The following COL5A1 variants were observed in gnomAD, a reference collection of about 807,000 sequenced individuals.
COL5A1 encodes collagen type V alpha 1 chain.
A neutral mutation model predicts 263.7 loss-of-function variants in COL5A1; 16 were observed. That is an observed-to-expected ratio of 0.06 (90% CI 0.04 to 0.09). The LOEUF is 0.09. Ranked by LOEUF, COL5A1 falls within the 10% of genes least tolerant of loss-of-function variation. COL5A1 has a pLI of 1.00. For synonymous variants in COL5A1, 1,012 were observed against 1,004.5 expected (o/e 1.01, Z -0.14); for missense variants, 2,036 against 2,540.5 (o/e 0.80, Z 4.27).
At chr9:134,654,599 G>T (rs1424001672) in intron 1 of COL5A1, among the ~76,000 whole-genome samples, 1 of 116,986 alleles carries the variant, frequency 8.5e-6, no homozygotes, top group Non-Finnish European at 1.8e-5. Context: ...GGCTGGGAGT[G>T]TGTAGGGCTG....
At chr9:134,802,588 A>G (rs1838152999) in intron 38 of COL5A1, among the ~76,000 whole-genome samples, 1 of 152,186 alleles carries the variant, frequency 6.6e-6, no homozygotes, top group Non-Finnish European at 1.5e-5. Flanking sequence ...CCTGTGGCTG[A>G]ATCAGCCTCC....
intron 4 of COL5A1, among the ~76,000 whole-genome samples, chr9:134,723,308 G>A (rs1834533436): frequency 2.4e-5 from 3 of 125,328 alleles, no homozygotes; most frequent in Admixed American, 2.1e-4. Context: ...CATGATGTGG[G>A]GTGATGCGGG....
At chr9:134,712,136 C>T (rs1208262642) in intron 4 of COL5A1, among the ~76,000 whole-genome samples, 1 of 104,938 alleles carries the variant, frequency 9.5e-6, no homozygotes, top group African/African-American at 3.7e-5. Context: ...TCCTGTTCCC[C>T]CTCTTTCCTG....
intron 1 of COL5A1, among the ~76,000 whole-genome samples, chr9:134,679,357 T>C (rs1303351644): frequency 1.9e-5 from 2 of 107,930 alleles, no homozygotes; most frequent in Non-Finnish European, 3.6e-5. Context: ...ACTGCAGAGC[T>C]AGTTGGGGGC....
Position 134,765,793 on chromosome 9 carries a change from C to G in COL5A1, c.2088+59C>G. 1 of 1,453,250 alleles carries G rather than the reference C, an allele frequency of 6.9e-7. No homozygotes were observed. Among genetic ancestry groups the G allele is most frequent in the Non-Finnish European group, 9.6e-7 (1 of 1,046,330 alleles). The allele number at this position is 1,453,250 out of a possible 1,614,324, so 90.0% of individuals were successfully genotyped here. A position where few individuals can be genotyped will look rare whatever the true frequency, so the allele number is the denominator to read the frequency against. On this transcript the variant is annotated intron_variant, in intron 21 of 65. Coordinates refer to ENST00000371817, the MANE Select transcript of COL5A1 (RefSeq NM_000093.5). This position sits in a 1 kb window ranked among gnomAD's most constrained non-coding sequence, Gnocchi z 5.1. Reference sequence around the variant, plus strand: ...CATCTCGGCCTTTGAGACCCCGCCTCCCAGCCGGTGGACGCTTGGGCACTG... The same window carrying G: ...CATCTCGGCCTTTGAGACCCCGCCTGCCAGCCGGTGGACGCTTGGGCACTG...
At chr9:134,767,222 A>T in intron 23 of COL5A1, 88 bp from the exon 24 acceptor site, 1 of 1,489,514 alleles carries the variant, frequency 6.7e-7, no homozygotes, top group Non-Finnish European at 9.4e-7. Flanking sequence ...TGAGGGAGAC[A>T]TCAATGAGAA....
At chr9:134,830,406 G>A in intron 64 of COL5A1, 1 of 596,886 alleles carries the variant, frequency 1.7e-6, no homozygotes, top group Non-Finnish European at 3.0e-6. Flanking sequence ...TTCCGTTTCT[G>A]TGTAGGGCGC....
intron 16 of COL5A1, among the ~76,000 whole-genome samples, chr9:134,756,371 T>C (rs1254872721): frequency 6.6e-6 from 1 of 152,236 alleles, no homozygotes; most frequent in African/African-American, 2.4e-5. Flanking sequence ...AAAGGAGCTG[T>C]GCTGTCTGTG....
At chr9:134,795,679 G>A (rs900389742) in intron 34 of COL5A1, among the ~76,000 whole-genome samples, 1 of 152,200 alleles carries the variant, frequency 6.6e-6, no homozygotes, top group Non-Finnish European at 1.5e-5. Flanking sequence ...GAGCTGCAGA[G>A]GCCTCTACCA....
In COL5A1 at chr9:134,818,953, C is replaced by T. The variant is rs754006378; in HGVS notation, c.4393-47C>T. The stretch of plus-strand genomic sequence containing the variant: ...TAGCGGGTGGGATGACTTCGCCACC[C>T]AAAGCCCCAAGGATGAGGACTCTGA... On this transcript the variant is annotated intron_variant, in intron 56 of 65. Transcript: ENST00000371817. This position sits in a 1 kb window ranked among gnomAD's most constrained non-coding sequence, Gnocchi z 6.0. The T allele has an allele frequency of 1.9e-5, 31 of 1,613,028 alleles. No homozygotes were observed. Among genetic ancestry groups the T allele is most frequent in the Middle Eastern group, 1.6e-4 (1 of 6,082 alleles).
chr9:134,758,174 T>C lies in COL5A1; in HGVS notation c.1882-69T>C. 1 of 1,548,106 alleles carries C rather than the reference T, an allele frequency of 6.5e-7. No individual in the cohort carries two copies. The highest frequency in any genetic ancestry group is 8.9e-7 in the Non-Finnish European group (1 of 1,121,400). The stretch of plus-strand genomic sequence containing the variant: ...CCAAGGCGGGGCGGCCATCACTTGG[T>C]GGACACCAAGGCGGGGTGTCCACGT... On this transcript the variant is annotated intron_variant, in intron 17 of 65. Coordinates refer to ENST00000371817, the MANE Select transcript of COL5A1 (RefSeq NM_000093.5). The surrounding 1 kb of genome is among the most constrained non-coding windows in gnomAD (Gnocchi z 4.1).
Position 134,700,140 on chromosome 9 carries a change from G to T in COL5A1, c.491+18G>T. The T allele has an allele frequency of 6.3e-7, 1 of 1,597,992 alleles. No homozygotes were observed. Among genetic ancestry groups the T allele is most frequent in the South Asian group, 1.1e-5 (1 of 90,904 alleles). ...GATGGCAAGTAAGTGGGCACTTCTG[G>T]GCAACTGTCCCCCTGCTGGAGGGGG... On this transcript the variant is annotated intron_variant, in intron 3 of 65. Coordinates refer to ENST00000371817, the MANE Select transcript of COL5A1 (RefSeq NM_000093.5). The surrounding 1 kb of genome is among the most constrained non-coding windows in gnomAD (Gnocchi z 4.0).
intron 65 of COL5A1, among the ~76,000 whole-genome samples, chr9:134,838,083 G>A (rs573347191): frequency 1.3e-5 from 2 of 152,278 alleles, no homozygotes; most frequent in South Asian, 2.1e-4. Context: ...TGTACTATCC[G>A]CCCATCGCCT....
At chr9:134,725,566 T>C (rs1256494887) in intron 4 of COL5A1, among the ~76,000 whole-genome samples, 2 of 152,242 alleles carry the variant, frequency 1.3e-5, no homozygotes, top group African/African-American at 4.8e-5. Context: ...CCTGCATTTC[T>C]TATTCCTACT....
chr9:134,758,165 A>G lies in COL5A1; in HGVS notation c.1882-78A>G. 6.7e-7 allele frequency: 1 copy of G among 1,487,944 alleles called. No individual in the cohort carries two copies. The allele number at this position is 1,487,944 out of a possible 1,614,324, so 92.2% of individuals were successfully genotyped here. A position where few individuals can be genotyped will look rare whatever the true frequency, so the allele number is the denominator to read the frequency against. On this transcript the variant is annotated intron_variant, in intron 17 of 65. Coordinates refer to ENST00000371817, the MANE Select transcript of COL5A1 (RefSeq NM_000093.5). The surrounding 1 kb of genome is among the most constrained non-coding windows in gnomAD (Gnocchi z 4.1). ...AAACGTGGTCCAAGGCGGGGCGGCC[A>G]TCACTTGGTGGACACCAAGGCGGGG...
chr9:134,774,016 C>T (rs1836962084), intron 26 of COL5A1, among the ~76,000 whole-genome samples: 1 of 152,234 alleles, frequency 6.6e-6, no homozygotes, highest in Non-Finnish European at 1.5e-5. Context: ...CCTGGGGCCA[C>T]CAGAGCTCGC....
intron 42 of COL5A1, among the ~76,000 whole-genome samples, chr9:134,806,937 C>T (rs1009334347): frequency 2.6e-5 from 4 of 152,078 alleles, no homozygotes; most frequent in Admixed American, 6.5e-5. Context: ...TGTGAAGCCT[C>T]GGGAGTGGGG....
Position 134,795,344 on chromosome 9 carries a change from C to T in COL5A1, c.2799+29C>T, listed in dbSNP as rs199776930. On this transcript the variant is annotated intron_variant, in intron 34 of 65. Transcript: ENST00000371817. ...TGTTTTTGGCCTCCTGGGCGGTGGG[C>T]GGCGTGAACCCAAGTTGCAAGGCTA... is the stretch of plus-strand genomic sequence containing the variant. 32 of 1,607,728 alleles carry T rather than the reference C, an allele frequency of 2.0e-5. 1 individual carries two copies. The highest frequency in any genetic ancestry group is 1.0e-4 in the Admixed American group (6 of 59,698).
rs1835289070 is a variant in COL5A1 at position 134,741,161 on chromosome 9, C to T, written c.1494+2353C>T. Among the ~76,000 whole-genome samples, 3 of 152,194 alleles carry T rather than the reference C, an allele frequency of 2.0e-5. No individual in the cohort carries two copies. On this transcript the variant is annotated intron_variant, in intron 11 of 65. Coordinates refer to ENST00000371817, the MANE Select transcript of COL5A1 (RefSeq NM_000093.5). This position sits in a 1 kb window ranked among gnomAD's most constrained non-coding sequence, Gnocchi z 4.5. ...AAGATCACTGGCTATGGGGTGAGGC[C>T]CTGCAGTGCAGCCTGCGGTGGGCCG... is the stretch of plus-strand genomic sequence containing the variant.
Sources: gnomAD v4.1 joint callset for allele counts (sites outside exome capture counted in the v4.1 genomes callset) on GRCh38, gnomAD v4.1.1 for gene constraint, Gnocchi (gnomAD v3.1) non-coding constraint, MANE v1.5 for transcripts, NCBI Gene and HGNC (gene_info 2026-07-23, HGNC 2026-07-21) for gene names.